The following STRN variants were observed in gnomAD, a reference collection of about 807,000 sequenced individuals.
The protein encoded by STRN is striatin, also known as protein phosphatase 2 regulatory subunit B'''alpha.
STRN carries 53 observed loss-of-function variants against 96.3 expected under a neutral mutation model. That is an observed-to-expected ratio of 0.55 (90% CI 0.44 to 0.69). The LOEUF (loss-of-function observed/expected upper bound fraction) is 0.69. Among genes scored for constraint, STRN ranks in the 30% least tolerant of loss-of-function variants. STRN has a pLI of 0.00. For synonymous variants in STRN, 428 were observed against 355.9 expected (o/e 1.20, Z -2.28); for missense variants, 987 against 963.9 (o/e 1.02, Z -0.32).
At chr2:36,944,820 A>G (rs1441030708) in intron 1 of STRN, among the ~76,000 whole-genome samples, 2 of 152,196 alleles carry the variant, frequency 1.3e-5, no homozygotes, top group Non-Finnish European at 2.9e-5. Context: ...GCTTAAATTC[A>G]GTCGTAATCA....
intron 12 of STRN, among the ~76,000 whole-genome samples, chr2:36,866,367 A>G (rs1395887853): frequency 1.3e-5 from 2 of 152,186 alleles, no homozygotes; most frequent in African/African-American, 4.8e-5. Flanking sequence ...GCACCCAGCC[A>G]CTGACTTTTA....
At chr2:36,885,682 A>C (rs1360225934) in intron 8 of STRN, among the ~76,000 whole-genome samples, 1 of 152,178 alleles carries the variant, frequency 6.6e-6, no homozygotes, top group African/African-American at 2.4e-5. Context: ...AATGCTTTTA[A>C]GTAATAAAGT....
At position 36,902,689 on chromosome 2, in the gene STRN, G is replaced by T. The variant is rs773081562; in HGVS notation, c.554C>A (p.Ala185Asp). Residue 185 changes from alanine to aspartate, a missense_variant, in exon 5 of 18, where the codon GCT (alanine) becomes GAT (aspartate). Physicochemically the swap from Ala to Asp is moderately radical, Grantham distance 126 (BLOSUM62 -2). Coordinates refer to ENST00000263918, the MANE Select transcript of STRN (RefSeq NM_003162.4). ...ILDVKSKRVR[A>D]LLGFSSDVTD... ...GACATCACTTGAAAAGCCCAACAAAGCTCGCACTCGTTTAGATTTCACATC... is the reference window on the plus strand; with the variant it reads ...GACATCACTTGAAAAGCCCAACAAATCTCGCACTCGTTTAGATTTCACATC... 6.2e-7 allele frequency: 1 copy of T among 1,611,182 alleles called. No homozygotes were observed. Among genetic ancestry groups the T allele is most frequent in the Non-Finnish European group, 8.5e-7 (1 of 1,178,112 alleles).
At chr2:36,961,173 C>A (rs1186521881) in intron 1 of STRN, among the ~76,000 whole-genome samples, 1 of 132,706 alleles carries the variant, frequency 7.5e-6, no homozygotes, top group East Asian at 2.2e-4. Context: ...GTCGCCCAGG[C>A]TGGAGTGCAG....
At chr2:36,889,530 A>T (rs557598686) in intron 7 of STRN, among the ~76,000 whole-genome samples, 1 of 150,168 alleles carries the variant, frequency 6.7e-6, no homozygotes, top group East Asian at 2.0e-4. Context: ...TCATAAAAAC[A>T]ATAGCAATCA....
intron 3 of STRN, 78 bp from the exon 4 acceptor site, chr2:36,905,696 T>A: frequency 8.5e-7 from 1 of 1,183,402 alleles, no homozygotes; most frequent in Non-Finnish European, 1.3e-6. Flanking sequence ...TAACGTCCAA[T>A]AAACATTTAT....
intron 13 of STRN, among the ~76,000 whole-genome samples, chr2:36,859,753 G>T (rs1411709992): frequency 1.3e-5 from 2 of 152,180 alleles, no homozygotes; most frequent in Non-Finnish European, 2.9e-5. Flanking sequence ...GTCACAAAGG[G>T]TCAAAAAGCC....
rs368788414 is a variant in STRN, at chr2:36,875,158, G to C, written c.1323+2733C>G. On this transcript the variant is annotated intron_variant, in intron 10 of 17. Transcript: ENST00000263918. Reference sequence around the variant, plus strand: ...GATACTCTCTAGGGTACCCACTGAAGAGTAGCAAAAGAGTGTAGAAATTCC... The same window carrying C: ...GATACTCTCTAGGGTACCCACTGAACAGTAGCAAAAGAGTGTAGAAATTCC... 6.6e-5 allele frequency among the ~76,000 whole-genome samples: 10 copies of C among 152,210 alleles called. No homozygotes were observed. The South Asian group carries it at 1.2e-3, about 19-fold the overall frequency.
intron 8 of STRN, 98 bp downstream of exon 8, chr2:36,886,618 A>T (rs1669234975): frequency 1.1e-6 from 1 of 929,372 alleles, no homozygotes; most frequent in Non-Finnish European, 1.6e-6. Context: ...AGCAGAAATG[A>T]AAAAGAGTAA....
At position 36,838,541 on chromosome 2, in the gene STRN, T is replaced by C. The variant is rs1394621667; in HGVS notation, c.*10915A>G. On this transcript the variant is annotated 3_prime_UTR_variant, in exon 18 of 18. Coordinates refer to ENST00000263918, the MANE Select transcript of STRN (RefSeq NM_003162.4). ...ACTACATCCACCAGGATTTTTTTCT[T>C]TTTTCTACGTATTTTTTAATGTTAC... 2.0e-5 allele frequency among the ~76,000 whole-genome samples: 3 copies of C among 152,192 alleles called. No homozygotes were observed. The highest frequency in any genetic ancestry group is 4.4e-5 in the Non-Finnish European group (3 of 68,022).
intron 1 of STRN, among the ~76,000 whole-genome samples, chr2:36,960,969 G>A (rs919447370): frequency 6.6e-6 from 1 of 151,722 alleles, no homozygotes; most frequent in Non-Finnish European, 1.5e-5. Flanking sequence ...TGATCATAAC[G>A]CAGTGCAGCC....
intron 1 of STRN, among the ~76,000 whole-genome samples, chr2:36,931,969 T>C (rs1670586333): frequency 1.3e-5 from 2 of 152,142 alleles, no homozygotes; most frequent in African/African-American, 4.8e-5. Flanking sequence ...TATAGGCGCA[T>C]ACGACCACAT....
At chr2:36,962,591 A>T (rs1665054156) in intron 1 of STRN, among the ~76,000 whole-genome samples, 1 of 151,006 alleles carries the variant, frequency 6.6e-6, no homozygotes, top group Non-Finnish European at 1.5e-5. Flanking sequence ...CAGTGGCACG[A>T]TCTCAGCTCA....
chr2:36,952,841 T>C (rs1043368270), intron 1 of STRN, among the ~76,000 whole-genome samples: 1 of 152,226 alleles, frequency 6.6e-6, no homozygotes, highest in Non-Finnish European at 1.5e-5. Flanking sequence ...TGTTCCCTCC[T>C]TTCAGCTTTA....
intron 3 of STRN, among the ~76,000 whole-genome samples, chr2:36,907,154 C>A (rs1221982367): frequency 1.3e-5 from 2 of 152,194 alleles, no homozygotes; most frequent in East Asian, 1.9e-4. Flanking sequence ...ATACTTTCCT[C>A]AGCCCTTGAT....
At chr2:36,903,392 A>G (rs1669739666) in intron 4 of STRN, among the ~76,000 whole-genome samples, 1 of 152,246 alleles carries the variant, frequency 6.6e-6, no homozygotes, top group South Asian at 2.1e-4. Flanking sequence ...ACTTACTTGC[A>G]TAACTTTAAT....
chr2:36,915,956 A>G (rs893903973), intron 3 of STRN, 122 bp downstream of exon 3: 27 of 800,500 alleles, frequency 3.4e-5, no homozygotes, highest in East Asian at 2.9e-4. Context: ...AAAGACAAGC[A>G]GGTCAGAAAA....
chr2:36,901,968 A>G (rs1445964170), intron 5 of STRN, among the ~76,000 whole-genome samples: 1 of 152,206 alleles, frequency 6.6e-6, no homozygotes, highest in Non-Finnish European at 1.5e-5. Flanking sequence ...TTTTTATTCA[A>G]TTAACAATCA....
At chr2:36,908,436 A>G (rs771216337) in intron 3 of STRN, among the ~76,000 whole-genome samples, 8 of 152,218 alleles carry the variant, frequency 5.3e-5, no homozygotes, top group Non-Finnish European at 1.0e-4. Context: ...TCGAAAGGCT[A>G]CAATCTGTAA....
Sources: gnomAD v4.1 joint callset for allele counts (sites outside exome capture counted in the v4.1 genomes callset) on GRCh38, gnomAD v4.1.1 for gene constraint, MANE v1.5 for transcripts, NCBI Gene and HGNC (gene_info 2026-07-23, HGNC 2026-07-21) for gene names.